The following CIB1 variants were observed in gnomAD, a reference collection of about 807,000 sequenced individuals.
CIB1 encodes the protein calcium and integrin binding 1, also known as calcium and integrin-binding protein 1.
A neutral mutation model predicts 25.0 loss-of-function variants in CIB1; 19 were observed. The observed-to-expected ratio is 0.76, with a 90% CI of 0.53 to 1.12. The LOEUF (loss-of-function observed/expected upper bound fraction) is 1.12. Among genes scored for constraint, CIB1 ranks in the 50% most tolerant of loss-of-function variants. The probability of loss-of-function intolerance (pLI) is 0.00; values close to 1 mark genes in which losing one functional copy is unlikely to be tolerated. For synonymous variants in CIB1, 104 were observed against 98.5 expected (o/e 1.06, Z -0.33); for missense variants, 236 against 242.6 (o/e 0.97, Z 0.18).
the CIB1 span, chr15:90,262,250 T>C: frequency 1.4e-5 from 20 of 1,429,058 alleles, no homozygotes; most frequent in East Asian, 2.5e-5. Context: ...TGAAGCTGCA[T>C]TGCTTCCCAG....
chr15:90,243,882 C>G, the CIB1 span: 1 of 151,976 alleles, frequency 6.6e-6, no homozygotes, highest in Non-Finnish European at 1.5e-5. Flanking sequence ...CCTCAAGATC[C>G]TCCCACCTCA....
the CIB1 span, chr15:90,257,867 A>G: frequency 3.2e-6 from 3 of 942,296 alleles, no homozygotes; most frequent in East Asian, 2.6e-5. Context: ...TGCACTTTGG[A>G]GCTCTAAGTG....
chr15:90,257,881 C>A, the CIB1 span: 2 of 925,870 alleles, frequency 2.2e-6, no homozygotes, highest in Non-Finnish European at 3.3e-6. Flanking sequence ...CTAAGTGCAG[C>A]CCCAAACCTC....
chr15:90,260,072 C>G, the CIB1 span, among the ~76,000 whole-genome samples: 1 of 152,192 alleles, frequency 6.6e-6, no homozygotes, highest in Admixed American at 6.5e-5. Flanking sequence ...AATATACTGG[C>G]TATTCCCACA....
In CIB1 at chr15:90,230,258, C is replaced by G. The variant is rs1305065995; in HGVS notation, c.*226G>C. ...TCATGTCACACATAGGGTCAAACTT[C>G]TAAACCTTTATTACTGATTAGTACA... On this transcript the variant is annotated 3_prime_UTR_variant, in exon 7 of 7. Coordinates refer to ENST00000328649, the MANE Select transcript of CIB1 (RefSeq NM_006384.4). 1 of 596,506 alleles carries G rather than the reference C, an allele frequency of 1.7e-6. No individual in the cohort carries two copies. Among genetic ancestry groups the G allele is most frequent in the Non-Finnish European group, 3.0e-6 (1 of 331,550 alleles). 37.0% of individuals were successfully genotyped at this position (596,506 alleles called of 1,614,324 possible).
intron 2 of CIB1, 121 bp downstream of exon 2, chr15:90,233,547 GC>G (rs1342881781): frequency 3.3e-4 from 422 of 1,272,162 alleles, no homozygotes; most frequent in Non-Finnish European, 4.1e-4. Context: ...AGGTCTCCCG[GC>G]CTCCAGCTCC....
chr15:90,256,545 TTTTCTTTCTTTCTTTCTTTC>T, the CIB1 span, among the ~76,000 whole-genome samples: 236 of 105,488 alleles, frequency 2.2e-3, no homozygotes, highest in African/African-American at 4.6e-3. Context: ...TCTCCTTCCT[TTTTCTTTCTTTCTTTCTTTC>T]TTTCTTTCTT....
At chr15:90,254,923 C>T in the CIB1 span, among the ~76,000 whole-genome samples, 2 of 152,276 alleles carry the variant, frequency 1.3e-5, no homozygotes, top group South Asian at 2.1e-4. Flanking sequence ...CAACAGACTC[C>T]GTGTTAAGTG....
chr15:90,255,832 A>G, the CIB1 span: 3 of 1,613,816 alleles, frequency 1.9e-6, no homozygotes, highest in Non-Finnish European at 2.5e-6. Flanking sequence ...GCATGTACAA[A>G]CTCTATCCCT....
At chr15:90,257,823 G>A in the CIB1 span, 22 of 1,234,360 alleles carry the variant, frequency 1.8e-5, no homozygotes, top group Non-Finnish European at 2.4e-5. Flanking sequence ...AATTGCCCAG[G>A]GAAACTCAGC....
At chr15:90,263,863 C>T in the CIB1 span, 1 of 916,140 alleles carries the variant, frequency 1.1e-6, no homozygotes, top group Non-Finnish European at 1.7e-6. Flanking sequence ...TCCAGTTCTG[C>T]CCCATGAATC....
chr15:90,230,874 C>T (rs778123299), intron 6 of CIB1, 60 bp downstream of exon 6: 15 of 1,412,932 alleles, frequency 1.1e-5, no homozygotes, highest in Non-Finnish European at 1.5e-5. Context: ...ATGCCCTAGG[C>T]CCAGAGGCAG....
the CIB1 span, among the ~76,000 whole-genome samples, chr15:90,248,202 G>T: frequency 1.3e-5 from 2 of 152,106 alleles, no homozygotes; most frequent in Non-Finnish European, 2.9e-5. Context: ...ACCTAGCCTT[G>T]CTGATTCTAT....
At chr15:90,256,621 CCT>C in the CIB1 span, among the ~76,000 whole-genome samples, 1 of 69,668 alleles carries the variant, frequency 1.4e-5, no homozygotes, top group African/African-American at 5.4e-5. Context: ...TTCCTTCCTT[CCT>C]TCCTTCCTTC....
rs375148975 is a variant in CIB1 at position 90,231,349 on chromosome 15, G to A, written c.346+8C>T. On this transcript the variant is annotated splice_region_variant and intron_variant, in intron 4 of 6. Coordinates refer to ENST00000328649, the MANE Select transcript of CIB1 (RefSeq NM_006384.4). ...GTGGTGTCCTGCCGGGCTGCTCCTG[G>A]TTCTCACCAAAGATGCGGAAGGCAT... is the stretch of plus-strand genomic sequence containing the variant. 104 of 1,613,652 alleles carry A rather than the reference G, an allele frequency of 6.4e-5. No homozygotes were observed. In the African/African-American group the frequency reaches 1.3e-3, roughly 20 times the overall value.
chr15:90,232,112 G>T, intron 3 of CIB1, 107 bp downstream of exon 3: 1 of 846,944 alleles, frequency 1.2e-6, no homozygotes, highest in Non-Finnish European at 1.9e-6. Flanking sequence ...AATGACCAGA[G>T]TGGGGACCAG....
At chr15:90,231,668 A>G (rs1567068906) in intron 3 of CIB1, among the ~76,000 whole-genome samples, 161 bp from the exon 4 acceptor site, 2 of 152,230 alleles carry the variant, frequency 1.3e-5, no homozygotes, top group Non-Finnish European at 2.9e-5. Flanking sequence ...GTGGGGGCAC[A>G]GGAAAGCAAA....
At chr15:90,265,713 A>C in the CIB1 span, 2 of 1,613,238 alleles carry the variant, frequency 1.2e-6, no homozygotes, top group Non-Finnish European at 1.7e-6. Flanking sequence ...TTGCGTCGAC[A>C]TGGCGGTTAC....
chr15:90,255,144 A>T, the CIB1 span, among the ~76,000 whole-genome samples: 1 of 152,178 alleles, frequency 6.6e-6, no homozygotes, highest in Non-Finnish European at 1.5e-5. Flanking sequence ...TTTCCAACGG[A>T]AAGATTCTCC....
Sources: allele counts gnomAD v4.1 joint callset (sites outside exome capture counted in the v4.1 genomes callset), GRCh38; gene constraint gnomAD v4.1.1; transcripts MANE v1.5; gene names NCBI Gene and HGNC (gene_info 2026-07-23, HGNC 2026-07-21).